The following A2ML1 variants were observed in gnomAD, a reference collection of about 807,000 sequenced individuals.
The protein encoded by A2ML1 is alpha-2-macroglobulin like 1.
Under a neutral mutation model 181.9 loss-of-function variants are expected in A2ML1, and 161 were observed. The ratio of observed to expected loss-of-function variants is 0.89; its 90% CI spans 0.78 to 1.01. A2ML1 has a LOEUF of 1.01. Ranked by LOEUF, A2ML1 falls within the 50% of genes least tolerant of loss-of-function variation. The probability of loss-of-function intolerance (pLI) is 0.00; values close to 1 mark genes in which losing one functional copy is unlikely to be tolerated. For missense variants in A2ML1, 1,670 were observed against 1,768.1 expected (o/e 0.94, Z 1.00); for synonymous variants, 663 against 666.8 (o/e 0.99, Z 0.09).
At chr12:8,863,256 G>A (rs1280124483) in intron 28 of A2ML1, among the ~76,000 whole-genome samples, 11 of 151,910 alleles carry the variant, frequency 7.2e-5, no homozygotes, top group Admixed American at 3.9e-4. Context: ...AGAGGCACGC[G>A]CCACCACGCC....
chr12:8,842,892 T>C (rs1943538295), intron 11 of A2ML1, among the ~76,000 whole-genome samples: 1 of 152,226 alleles, frequency 6.6e-6, no homozygotes, highest in Admixed American at 6.5e-5. Flanking sequence ...CAATTTCCTC[T>C]CATTTAGTAA....
At position 8,847,245 on chromosome 12, in the gene A2ML1, TAA is replaced by T. The variant is rs569093906; in HGVS notation, c.1684-286_1684-285del. Among the ~76,000 whole-genome samples the T allele has an allele frequency of 2.9e-3, 350 of 121,784 alleles. 1 individual carries two copies. Among genetic ancestry groups the T allele is most frequent in the African/African-American group, 8.2e-3 (276 of 33,522 alleles). 79.9% of individuals were successfully genotyped at this position (121,784 alleles called of 152,430 possible). A position where few individuals can be genotyped will look rare whatever the true frequency, so the allele number is the denominator to read the frequency against. ...ATTACAGGCATGACCCTGTCTCTAT[TAA>T]AAAAAAAAAAAAAAAAAGCCATACT... On this transcript the variant is annotated intron_variant, in intron 14 of 35. Transcript: ENST00000299698.
chr12:8,884,065 C>T (rs1198047715), intron 7 of A2ML1, among the ~76,000 whole-genome samples: 4 of 151,862 alleles, frequency 2.6e-5, no homozygotes, highest in East Asian at 1.9e-4. Context: ...GGATTACAGG[C>T]GTGACCCACC....
intron 3 of A2ML1, among the ~76,000 whole-genome samples, chr12:8,825,100 ATATATACT>A (rs1210718777): frequency 2.0e-5 from 3 of 152,134 alleles, no homozygotes; most frequent in African/African-American, 7.2e-5. Flanking sequence ...TTTCTTTTGT[ATATATACT>A]TAGCAGTGGG....
At chr12:8,847,411 C>A in intron 14 of A2ML1, 138 bp from the exon 15 acceptor site, 1 of 1,097,772 alleles carries the variant, frequency 9.1e-7, no homozygotes, top group Non-Finnish European at 1.3e-6. Flanking sequence ...CTAGACTTTA[C>A]AAAGAAAGAT....
At chr12:8,863,435 A>G (rs1293100142) in intron 28 of A2ML1, among the ~76,000 whole-genome samples, 2 of 152,210 alleles carry the variant, frequency 1.3e-5, no homozygotes, top group Non-Finnish European at 2.9e-5. Context: ...ATAAATGCTG[A>G]AAAATTCATA....
Position 8,829,790 on chromosome 12 carries a change from A to G in A2ML1, c.462+11A>G. The G allele has an allele frequency of 6.2e-7, 1 of 1,611,110 alleles. No individual in the cohort carries two copies. The highest frequency in any genetic ancestry group is 2.2e-5 in the East Asian group (1 of 44,854). Reference sequence around the variant, plus strand: ...CCAGTGAATGACAAGGTGAGTTGGGAGGAGGAGAAGGAGTGGCGCAGGGAG... The same window carrying G: ...CCAGTGAATGACAAGGTGAGTTGGGGGGAGGAGAAGGAGTGGCGCAGGGAG... On this transcript the variant is annotated intron_variant, in intron 4 of 35. Coordinates refer to ENST00000299698, the MANE Select transcript of A2ML1 (RefSeq NM_144670.6).
rs1452495346 is a variant in A2ML1 at position 8,836,063 on chromosome 12, G to T, written c.644-192G>T. Among the ~76,000 whole-genome samples, 4 of 151,138 alleles carry T rather than the reference G, an allele frequency of 2.6e-5. No individual in the cohort carries two copies. In the East Asian group the frequency reaches 7.7e-4, roughly 29 times the overall value. ...GCAAAGGTGGAGTAAAATGTACTCT[G>T]GGAAAGGATTATTTACTCATTTTTG... On this transcript the variant is annotated intron_variant, in intron 6 of 35. Coordinates refer to ENST00000299698, the MANE Select transcript of A2ML1 (RefSeq NM_144670.6).
At chr12:8,857,711 T>C in intron 25 of A2ML1, 123 bp downstream of exon 25, 1 of 1,177,876 alleles carries the variant, frequency 8.5e-7, no homozygotes, top group East Asian at 2.5e-5. Flanking sequence ...TCTACCTCTT[T>C]AATACTGTTT....
In A2ML1 at chr12:8,861,242, A is replaced by G. The variant is rs1944251850; in HGVS notation, c.3447A>G (p.Glu1149=). Residue 1149 remains glutamate (E), a synonymous_variant, in exon 28 of 36, where the codon GAA becomes GAG. Transcript: ENST00000299698. ...LLAYIFSLAG[E]MDIRNILLKQ... The stretch of plus-strand genomic sequence containing the variant: ...CTTACATTTTCTCCCTGGCTGGGGA[A>G]ATGGACATCAGAAACATTCTCCTTA... 22 of 1,613,986 alleles carry G rather than the reference A, an allele frequency of 1.4e-5. No homozygotes were observed. The highest frequency in any genetic ancestry group is 1.7e-5 in the Non-Finnish European group (20 of 1,180,028).
In A2ML1 at chr12:8,868,574, G is replaced by A; in HGVS notation, c.4099G>A (p.Val1367Met). The change falls in exon 32 of 36, where the codon GTG becomes ATG. Residue 1367 changes from valine to methionine, a missense_variant. Physicochemically the swap from Val to Met is conservative, Grantham distance 21. Transcript: ENST00000299698. The part of the protein sequence containing the change: ...GSRSSSNMAI[V>M]EVKMLSGFSP... ...CCGTAGCTCTTCCAATATGGCTATTGTGGAAGTGAAGATGCTATCTGGGTT... is the reference window on the plus strand; with the variant it reads ...CCGTAGCTCTTCCAATATGGCTATTATGGAAGTGAAGATGCTATCTGGGTT... The A allele has an allele frequency of 6.2e-7, 1 of 1,614,012 alleles. No individual in the cohort carries two copies. Among genetic ancestry groups the A allele is most frequent in the Non-Finnish European group, 8.5e-7 (1 of 1,180,014 alleles).
Position 8,854,245 on chromosome 12 carries a change from T to C in A2ML1, c.2708T>C (p.Val903Ala), listed in dbSNP as rs1189268431. 6.3e-7 allele frequency: 1 copy of C among 1,596,840 alleles called. No individual in the cohort carries two copies. Residue 903 changes from valine to alanine, a missense_variant, in exon 21 of 36, where the codon GTC becomes GCC. By Grantham distance (64) the Val-to-Ala change is moderately conservative. Coordinates refer to ENST00000299698, the MANE Select transcript of A2ML1 (RefSeq NM_144670.6). ...RSDTLIKPVL[V>A]KPEGVLVEKT... ...GACACGCTCATCAAGCCAGTTCTCG[T>C]CAAAGTGAGTTTTCTTCAGAGGTAG...
chr12:8,840,224 G>A (rs1261944514), intron 10 of A2ML1, among the ~76,000 whole-genome samples: 1 of 151,996 alleles, frequency 6.6e-6, no homozygotes, highest in African/African-American at 2.4e-5. Context: ...GCCAGGCATG[G>A]TGGCGCATGC....
chr12:8,843,102 G>A (rs1565473153), intron 11 of A2ML1, 32 bp from the exon 12 acceptor site: 2 of 1,598,520 alleles, frequency 1.3e-6, no homozygotes, highest in African/African-American at 1.3e-5. Flanking sequence ...TGGAGCACAT[G>A]CTAAAATTCT....
rs781494872 is a variant in A2ML1, at chr12:8,850,182, T to C, written c.2142T>C (p.Ala714=). The C allele has an allele frequency of 1.5e-5, 24 of 1,611,088 alleles. No homozygotes were observed. The Admixed American group carries it at 4.0e-4, about 27-fold the overall frequency. ...CAGCAGGCGGTGGTCATCCAGAGGC[T>C]TTTGAGTCATCAACTCCTTTACATC... ...AMGAGGGHPE[A]FESSTPLHQA... The change falls in exon 18 of 36, where the codon GCT becomes GCC. Residue 714 remains alanine (A), a synonymous_variant. Coordinates refer to ENST00000299698, the MANE Select transcript of A2ML1 (RefSeq NM_144670.6).
intron 33 of A2ML1, among the ~76,000 whole-genome samples, chr12:8,870,479 G>A (rs1417054439): frequency 1.3e-5 from 2 of 152,106 alleles, no homozygotes; most frequent in African/African-American, 4.8e-5. Context: ...GTGTTAGCCA[G>A]GATGGTCTCG....
At chr12:8,851,016 G>A (rs1206021112) in intron 18 of A2ML1, among the ~76,000 whole-genome samples, 1 of 152,190 alleles carries the variant, frequency 6.6e-6, no homozygotes, top group Non-Finnish European at 1.5e-5. Context: ...TGGGATTACA[G>A]GTGTGAGCCA....
intron 12 of A2ML1, 117 bp downstream of exon 12, chr12:8,843,478 C>G (rs1473787128): frequency 1.1e-6 from 1 of 887,514 alleles, no homozygotes; most frequent in Non-Finnish European, 1.6e-6. Context: ...TAATTAAAAA[C>G]AATTTTAAAG....
Position 8,847,620 on chromosome 12 carries a change from C to T in A2ML1, c.1755C>T (p.Pro585=), listed in dbSNP as rs760716902. The change falls in exon 15 of 36, where the codon CCC becomes CCT. Residue 585 remains proline (P), a synonymous_variant. Transcript: ENST00000299698. ...AEVELQLQAA[P]GSLCALRAVD... is the part of the protein sequence containing the mutation. The stretch of plus-strand genomic sequence containing the variant: ...TGGAGCTGCAGCTGCAGGCAGCTCC[C>T]GGATCCCTGTGTGCGCTCCGGGCGG... The T allele has an allele frequency of 6.8e-6, 11 of 1,613,488 alleles. No homozygotes were observed. Among genetic ancestry groups the T allele is most frequent in the African/African-American group, 5.3e-5 (4 of 74,878 alleles).
Sources: gnomAD v4.1 joint callset for allele counts (sites outside exome capture counted in the v4.1 genomes callset) on GRCh38, gnomAD v4.1.1 for gene constraint, MANE v1.5 for transcripts, NCBI Gene and HGNC (gene_info 2026-07-23, HGNC 2026-07-21) for gene names.